CIB4: variants seen among roughly 807,000 people sequenced by gnomAD.
The protein encoded by CIB4 is calcium and integrin binding family member 4, also known as calcium and integrin-binding family member 4.
A neutral mutation model predicts 25.8 loss-of-function variants in CIB4; 25 were observed. That is an observed-to-expected ratio of 0.97 (90% confidence interval 0.71 to 1.35). The LOEUF is 1.35. CIB4 is among the 40% of genes most tolerant of loss of function. CIB4 has a pLI of 0.00. For synonymous variants in CIB4, 75 were observed against 81.4 expected (o/e 0.92, Z 0.42); for missense variants, 235 against 228.2 (o/e 1.03, Z -0.19).
intron 4 of CIB4, 85 bp from the exon 5 acceptor site, chr2:26,583,983 C>T: frequency 1.2e-6 from 1 of 816,496 alleles, no homozygotes. Flanking sequence ...GGACACAGCA[C>T]CAGCCAGGAC....
chr2:26,619,182 T>C (rs1034357099), intron 3 of CIB4, among the ~76,000 whole-genome samples: 2 of 152,290 alleles, frequency 1.3e-5, no homozygotes, highest in East Asian at 3.9e-4. Context: ...CATGGTCTTT[T>C]CCCTCTGGGG....
intron 3 of CIB4, among the ~76,000 whole-genome samples, chr2:26,617,754 C>A (rs1449724942): frequency 6.6e-6 from 1 of 152,228 alleles, no homozygotes; most frequent in Non-Finnish European, 1.5e-5. Context: ...CCCCCTGCGG[C>A]TGCTTTCCTC....
intron 5 of CIB4, 56 bp downstream of exon 5, chr2:26,583,733 A>G (rs1473372513): frequency 1.7e-6 from 2 of 1,195,136 alleles, no homozygotes; most frequent in Admixed American, 3.4e-5. Context: ...GCTTTGGGTG[A>G]CAACCTGGCC....
At chr2:26,630,886 G>A (rs148650230) in intron 2 of CIB4, among the ~76,000 whole-genome samples, 1 of 152,170 alleles carries the variant, frequency 6.6e-6, no homozygotes, top group Non-Finnish European at 1.5e-5. Flanking sequence ...CTGTGCTCCT[G>A]GGCTGTGCAC....
At chr2:26,626,330 AC>A (rs1558571875) in intron 3 of CIB4, among the ~76,000 whole-genome samples, 141 of 150,466 alleles carry the variant, frequency 9.4e-4, no homozygotes, top group African/African-American at 3.3e-3. Context: ...AGTTCAAAAG[AC>A]GGTTCTGGCT....
At chr2:26,594,563 T>C (rs1437025570) in intron 4 of CIB4, among the ~76,000 whole-genome samples, 1 of 152,238 alleles carries the variant, frequency 6.6e-6, no homozygotes. Context: ...GACTTGCACC[T>C]GGTTTGTTTG....
intron 2 of CIB4, among the ~76,000 whole-genome samples, chr2:26,630,427 T>C (rs1669395058): frequency 6.6e-6 from 1 of 152,192 alleles, no homozygotes; most frequent in Admixed American, 6.5e-5. Context: ...GGCAACTCAC[T>C]TGACATTTCT....
intron 3 of CIB4, among the ~76,000 whole-genome samples, chr2:26,625,026 A>C (rs1037723458): frequency 6.6e-6 from 1 of 152,088 alleles, no homozygotes; most frequent in Non-Finnish European, 1.5e-5. Context: ...CCCCATAAAT[A>C]TATACACCTA....
intron 3 of CIB4, among the ~76,000 whole-genome samples, chr2:26,610,514 CT>C (rs1668978409): frequency 6.6e-6 from 1 of 152,228 alleles, no homozygotes; most frequent in South Asian, 2.1e-4. Context: ...GTTCTTCTCT[CT>C]CCTGTATCCT....
chr2:26,609,619 C>T (rs1051622418), intron 3 of CIB4, among the ~76,000 whole-genome samples: 5 of 152,130 alleles, frequency 3.3e-5, no homozygotes, highest in Non-Finnish European at 5.9e-5. Flanking sequence ...TAGGGGAGGA[C>T]CGCATACGCT....
intron 3 of CIB4, among the ~76,000 whole-genome samples, chr2:26,607,008 C>T (rs530023088): frequency 6.6e-6 from 1 of 152,178 alleles, no homozygotes; most frequent in Non-Finnish European, 1.5e-5. Flanking sequence ...ACCCACCAAA[C>T]CAGTCCTCCC....
rs895653986 is a variant in CIB4 at position 26,632,788 on chromosome 2, G to A, written c.90-3282C>T. Among the ~76,000 whole-genome samples the A allele has an allele frequency of 1.9e-4, 29 of 151,844 alleles. 2 individuals carry two copies. Among genetic ancestry groups the A allele is most frequent in the Admixed American group, 1.6e-3 (25 of 15,234 alleles). On this transcript the variant is annotated intron_variant, in intron 2 of 6. Transcript: ENST00000288861. The stretch of plus-strand genomic sequence containing the variant: ...AAAAAAAAAAGAAAAAGAAAGAAAG[G>A]GTTAAGGGCAGTGGGAGTGGCCGGC...
At chr2:26,626,762 C>G (rs568549261) in intron 3 of CIB4, among the ~76,000 whole-genome samples, 92 of 152,266 alleles carry the variant, frequency 6.0e-4, no homozygotes, top group Non-Finnish European at 1.1e-3. Flanking sequence ...TGCACCTAGC[C>G]TATCTGCTGG....
chr2:26,635,967 C>G (rs1424376259), intron 2 of CIB4, among the ~76,000 whole-genome samples: 1 of 152,166 alleles, frequency 6.6e-6, no homozygotes, highest in Non-Finnish European at 1.5e-5. Flanking sequence ...ACTCCATACC[C>G]CACACCACCT....
chr2:26,586,945 A>T (rs999363288), intron 4 of CIB4, among the ~76,000 whole-genome samples: 10 of 152,170 alleles, frequency 6.6e-5, no homozygotes, highest in African/African-American at 2.2e-4. Flanking sequence ...GGAATGAAGG[A>T]TAAAGCGACA....
intron 3 of CIB4, among the ~76,000 whole-genome samples, chr2:26,622,991 T>C (rs568396678): frequency 6.6e-6 from 1 of 151,388 alleles, no homozygotes; most frequent in African/African-American, 2.4e-5. Flanking sequence ...TCAAAAAAAA[T>C]AAATAAGAAT....
chr2:26,587,329 G>A (rs369912098), intron 4 of CIB4, among the ~76,000 whole-genome samples: 8,155 of 43,466 alleles, frequency 0.19, 14 homozygotes, highest in East Asian at 0.29. Context: ...AAAAAAAAAA[G>A]AACCACTATG....
chr2:26,610,616 C>A (rs1277675192), intron 3 of CIB4, among the ~76,000 whole-genome samples: 1 of 152,222 alleles, frequency 6.6e-6, no homozygotes, highest in East Asian at 1.9e-4. Flanking sequence ...ATTAAGTACC[C>A]AGACCTCTGG....
At chr2:26,620,069 C>T (rs1392296571) in intron 3 of CIB4, among the ~76,000 whole-genome samples, 1 of 149,880 alleles carries the variant, frequency 6.7e-6, no homozygotes, top group African/African-American at 2.5e-5. Context: ...GGGAAGGCAA[C>T]ACCATCCTGA....
Sources: gnomAD v4.1 joint callset for allele counts (sites outside exome capture counted in the v4.1 genomes callset) on GRCh38, gnomAD v4.1.1 for gene constraint, MANE v1.5 for transcripts, NCBI Gene and HGNC (gene_info 2026-07-23, HGNC 2026-07-21) for gene names.